Variants in IQSEC3 observed in about 807,000 individuals in gnomAD.
IQSEC3 encodes IQ motif and Sec7 domain ArfGEF 3.
In IQSEC3, 50 loss-of-function variants were observed where a neutral mutation model predicts 105.4. That is an observed-to-expected ratio of 0.47 (90% confidence interval 0.38 to 0.60). The LOEUF (loss-of-function observed/expected upper bound fraction) is 0.60, where lower values mean the gene tolerates loss of function less well. IQSEC3 is among the 20% of genes least tolerant of loss of function. The pLI is 0.00. For missense variants in IQSEC3, 1,415 were observed against 1,630.0 expected (o/e 0.87, Z 2.27); for synonymous variants, 708 against 746.0 (o/e 0.95, Z 0.83).
intron 2 of IQSEC3, among the ~76,000 whole-genome samples, chr12:100,310 G>A (rs1341684192): frequency 6.6e-6 from 1 of 152,204 alleles, no homozygotes; most frequent in African/African-American, 2.4e-5. Context: ...CAGTCACAGA[G>A]CAAGGACCAG....
chr12:174,359 G>A (rs776866716), intron 13 of IQSEC3, among the ~76,000 whole-genome samples: 21 of 152,118 alleles, frequency 1.4e-4, no homozygotes, highest in Non-Finnish European at 2.5e-4. Context: ...AGAGACTGAG[G>A]CCGTACAGCG....
intron 2 of IQSEC3, among the ~76,000 whole-genome samples, chr12:123,673 G>A (rs1865289865): frequency 6.6e-6 from 1 of 152,164 alleles, no homozygotes; most frequent in Non-Finnish European, 1.5e-5. Flanking sequence ...TTGGCTGGGA[G>A]GAAGCACCAG....
intron 3 of IQSEC3, among the ~76,000 whole-genome samples, chr12:130,736 C>T (rs916401551): frequency 6.6e-5 from 10 of 152,178 alleles, no homozygotes; most frequent in Admixed American, 2.6e-4. Context: ...GGGAGGAGGG[C>T]ACACAGAGCA....
At chr12:171,340 TC>T (rs1555100228) in intron 13 of IQSEC3, 179 bp downstream of exon 13, 2 of 1,610,448 alleles carry the variant, frequency 1.2e-6, no homozygotes, top group Admixed American at 1.7e-5. Flanking sequence ...ATGCCACTGT[TC>T]CAGCGCCTAA....
In IQSEC3 at chr12:124,708, C is replaced by T. The variant is rs114121755; in HGVS notation, c.624-925C>T. ...GAGACACAGCAGTGAAAGCTGCAGT[C>T]GTCCAGGAAGGCCTCATGGAGGAGG... On this transcript the variant is annotated intron_variant, in intron 2 of 13. Coordinates refer to ENST00000538872, the MANE Select transcript of IQSEC3 (RefSeq NM_001170738.2). 3.3e-3 allele frequency among the ~76,000 whole-genome samples: 503 copies of T among 152,336 alleles called. 2 individuals are homozygous for T. The highest frequency in any genetic ancestry group is 0.011 in the African/African-American group (477 of 41,580).
intron 3 of IQSEC3, among the ~76,000 whole-genome samples, chr12:130,733 G>A (rs544115338): frequency 6.6e-6 from 1 of 152,302 alleles, no homozygotes; most frequent in South Asian, 2.1e-4. Context: ...GCTGGGAGGA[G>A]GGCACACAGA....
At chr12:116,135 G>T (rs528689740) in intron 2 of IQSEC3, among the ~76,000 whole-genome samples, 1 of 152,158 alleles carries the variant, frequency 6.6e-6, no homozygotes, top group Non-Finnish European at 1.5e-5. Context: ...ACCATTGTAC[G>T]TGTATTAGCC....
chr12:153,744 GC>G (rs1331279562), intron 5 of IQSEC3, among the ~76,000 whole-genome samples: 6 of 152,136 alleles, frequency 3.9e-5, no homozygotes, highest in African/African-American at 1.4e-4. Context: ...TGCAAAAGCA[GC>G]CCCGATAGCC....
chr12:93,185 C>A (rs1864145310), intron 1 of IQSEC3, among the ~76,000 whole-genome samples: 1 of 152,174 alleles, frequency 6.6e-6, no homozygotes, highest in Admixed American at 6.5e-5. Context: ...GATTGTGATC[C>A]ACTTGTGGAG....
chr12:85,629 T>C (rs1555071877), intron 1 of IQSEC3, among the ~76,000 whole-genome samples: 1 of 151,086 alleles, frequency 6.6e-6, no homozygotes, highest in South Asian at 2.1e-4. Context: ...AGTGGCGGGG[T>C]GAGCATGGCC....
chr12:106,603 C>T (rs1399750226), intron 2 of IQSEC3: 3 of 152,322 alleles, frequency 2.0e-5, no homozygotes, highest in South Asian at 2.1e-4. Flanking sequence ...AGAGATGCCA[C>T]GAGGAACATC....
At chr12:132,893 C>G (rs1423623537) in intron 3 of IQSEC3, among the ~76,000 whole-genome samples, 2 of 152,230 alleles carry the variant, frequency 1.3e-5, no homozygotes, top group Non-Finnish European at 2.9e-5. Context: ...AGCTCCTGCT[C>G]TCTGCTGGGT....
intron 1 of IQSEC3, among the ~76,000 whole-genome samples, chr12:92,510 G>A (rs369164627): frequency 2.6e-5 from 4 of 152,158 alleles, no homozygotes; most frequent in East Asian, 3.9e-4. Context: ...AAGGCCTAAG[G>A]CACTTGAGTG....
chr12:75,445 G>C (rs1233239233), intron 1 of IQSEC3, among the ~76,000 whole-genome samples: 3 of 152,182 alleles, frequency 2.0e-5, no homozygotes, highest in Non-Finnish European at 4.4e-5. Flanking sequence ...CTGTAGAAGG[G>C]ATACTTTTCC....
intron 2 of IQSEC3, among the ~76,000 whole-genome samples, chr12:117,897 G>A (rs1391958901): frequency 6.6e-6 from 1 of 152,214 alleles, no homozygotes; most frequent in Non-Finnish European, 1.5e-5. Flanking sequence ...CCATGGCAGG[G>A]GAGGCTTATG....
In IQSEC3 at chr12:161,801, T is replaced by C. The variant is rs925395992; in HGVS notation, c.2444-125T>C. ...TATGAGGCACCAGCCATTGAAGGCA[T>C]GGCAAGAACCAAGGCCACCCCCCGG... On this transcript the variant is annotated intron_variant, in intron 7 of 13. Coordinates refer to ENST00000538872, the MANE Select transcript of IQSEC3 (RefSeq NM_001170738.2). The C allele has an allele frequency of 1.7e-5, 15 of 891,866 alleles. No homozygotes were observed. The African/African-American group carries it at 2.5e-4, about 15-fold the overall frequency. 55.2% of individuals were successfully genotyped at this position (891,866 alleles called of 1,614,324 possible).
chr12:155,804 G>A lies in IQSEC3; in HGVS notation c.2154-1221G>A, dbSNP rs115494223. Among the ~76,000 whole-genome samples, 768 of 152,272 alleles carry A rather than the reference G, an allele frequency of 5.0e-3. 8 individuals carry two copies. The highest frequency in any genetic ancestry group is 0.02 in the Middle Eastern group (6 of 294). On this transcript the variant is annotated intron_variant, in intron 5 of 13. Coordinates refer to ENST00000538872, the MANE Select transcript of IQSEC3 (RefSeq NM_001170738.2). ...TGGGAGCAGAGTGGGACTGCTTGCC[G>A]GCAGTGGGCAGTGTCAGGGGCAGTG...
chr12:113,405 A>T (rs1170018600), intron 2 of IQSEC3, among the ~76,000 whole-genome samples: 1 of 152,254 alleles, frequency 6.6e-6, no homozygotes, highest in African/African-American at 2.4e-5. Flanking sequence ...AAGCAGGCAG[A>T]GGTTAAGACC....
rs2137078225 is a variant in IQSEC3, at chr12:175,328, T to C, written c.*295T>C. ...GCCACCACTTTCCCCCATTGGACCATGGACTGAAGAAAACGAGCTGAGGGT... is the reference window on the plus strand; with the variant it reads ...GCCACCACTTTCCCCCATTGGACCACGGACTGAAGAAAACGAGCTGAGGGT... On this transcript the variant is annotated 3_prime_UTR_variant, in exon 14 of 14. Transcript: ENST00000538872. The C allele has an allele frequency of 5.2e-6, 2 of 388,098 alleles. No homozygotes were observed. Among genetic ancestry groups the C allele is most frequent in the South Asian group, 7.9e-5 (1 of 12,686 alleles). The allele number at this position is 388,098 out of a possible 1,614,324, so 24.0% of individuals were successfully genotyped here.
Sources: gnomAD v4.1 joint callset for allele counts (sites outside exome capture counted in the v4.1 genomes callset) on GRCh38, gnomAD v4.1.1 for gene constraint, MANE v1.5 for transcripts, NCBI Gene and HGNC (gene_info 2026-07-23, HGNC 2026-07-21) for gene names.